The following NXN variants were observed in gnomAD, a reference collection of about 807,000 sequenced individuals.
The protein encoded by NXN is nucleoredoxin.
In NXN, 16 loss-of-function variants were observed where a neutral mutation model predicts 48.6. The ratio of observed to expected loss-of-function variants is 0.33; its 90% CI spans 0.22 to 0.50. NXN has a LOEUF of 0.50. Among genes scored for constraint, NXN ranks in the 20% least tolerant of loss-of-function variants. NXN has a pLI of 0.98. For synonymous variants in NXN, 281 were observed against 269.6 expected, an observed-to-expected ratio of 1.04 and a Z score of -0.41; for missense variants, 492 against 605.5, an observed-to-expected ratio of 0.81 and a Z score of 1.97.
chr17:937,749 C>T (rs118039830), intron 1 of NXN, among the ~76,000 whole-genome samples: 3 of 152,292 alleles, frequency 2.0e-5, no homozygotes, highest in East Asian at 3.9e-4. Flanking sequence ...GTCACGGGGA[C>T]GCCGGGAACC....
At chr17:812,658 C>CTGTAGGTGTGTGTGAG (rs1482882948) in intron 5 of NXN, among the ~76,000 whole-genome samples, 1 of 107,988 alleles carries the variant, frequency 9.3e-6, no homozygotes, top group Admixed American at 1.0e-4. Context: ...ATGTGTGTGA[C>CTGTAGGTGTGTGTGAG]TGTAGGTGTG....
rs2068885957 is a variant in NXN at position 934,424 on chromosome 17, C to A, written c.360+44895G>T. Among the ~76,000 whole-genome samples, 5 of 144,906 alleles carry A rather than the reference C, an allele frequency of 3.5e-5. No individual in the cohort carries two copies. The South Asian group carries it at 1.1e-3, about 32-fold the overall frequency. ...TAGCACCACTGCACTCTAGCCTGGG[C>A]AACACAACGAGACTCTGTCTCAAAG... On this transcript the variant is annotated intron_variant, in intron 1 of 7. Coordinates refer to ENST00000336868, the MANE Select transcript of NXN (RefSeq NM_022463.5).
rs372539041 is a variant in NXN, at chr17:812,658, CTG to C, written c.820+6779_820+6780del. ...TGTGTGTGAGTGTGCATGTGTGTGA[CTG>C]TAGGTGTGTGTGAGTGTAGGTGTGT... On this transcript the variant is annotated intron_variant, in intron 5 of 7. Coordinates refer to ENST00000336868, the MANE Select transcript of NXN (RefSeq NM_022463.5). 5.4e-3 allele frequency among the ~76,000 whole-genome samples: 585 copies of C among 107,986 alleles called. 9 individuals are homozygous for C. Among genetic ancestry groups the C allele is most frequent in the South Asian group, 0.031 (104 of 3,318 alleles). 70.8% of individuals were successfully genotyped at this position (107,986 alleles called of 152,430 possible).
intron 1 of NXN, among the ~76,000 whole-genome samples, chr17:967,849 G>A (rs1421115145): frequency 6.6e-6 from 1 of 152,076 alleles, no homozygotes; most frequent in Non-Finnish European, 1.5e-5. Context: ...GCGGGCACCT[G>A]TAGTCCCAGC....
At chr17:901,187 A>C (rs474176) in intron 1 of NXN, among the ~76,000 whole-genome samples, 122,192 of 151,922 alleles carry the variant, frequency 0.8, 49,383 homozygotes, top group Middle Eastern at 0.9. Flanking sequence ...TCCCAAAGTG[A>C]TGGGATTACA....
rs569206325 is a variant in NXN at position 978,835 on chromosome 17, G to GCCCTCCCCTC, written c.360+474_360+483dup. On this transcript the variant is annotated intron_variant, in intron 1 of 7. Coordinates refer to ENST00000336868, the MANE Select transcript of NXN (RefSeq NM_022463.5). This position sits in a 1 kb window ranked among gnomAD's most constrained non-coding sequence, Gnocchi z 4.1. ...TGGGCGCCACGGGCGGGGGGCGTGCGCCCTCCCCTCCCCTCCCCTCCCCAC... is the reference window on the plus strand; with the variant it reads ...TGGGCGCCACGGGCGGGGGGCGTGCGCCCTCCCCTCCCCTCCCCTCCCCTCCCCTCCCCAC... Among the ~76,000 whole-genome samples, 18 of 151,208 alleles carry GCCCTCCCCTC rather than the reference G, an allele frequency of 1.2e-4. No individual in the cohort carries two copies. The highest frequency in any genetic ancestry group is 9.2e-4 in the Admixed American group (14 of 15,236).
At chr17:955,417 G>A (rs1479571907) in intron 1 of NXN, among the ~76,000 whole-genome samples, 4 of 150,670 alleles carry the variant, frequency 2.7e-5, no homozygotes, top group South Asian at 2.1e-4. Flanking sequence ...TGATCCACCC[G>A]CCTCGGCCTC....
At chr17:955,834 G>A (rs899970895) in intron 1 of NXN, among the ~76,000 whole-genome samples, 4 of 151,856 alleles carry the variant, frequency 2.6e-5, no homozygotes, top group Non-Finnish European at 4.4e-5. Flanking sequence ...CCCGGGAGGC[G>A]GAGCTTGCAG....
Position 843,779 on chromosome 17 carries a change from G to A in NXN, c.361-17701C>T, listed in dbSNP as rs73289779. ...CTCACTCTGAGTAGCACCTTTCGACGTGAACGTTGGGACCCTGACCTGCAG... is the reference window on the plus strand; with the variant it reads ...CTCACTCTGAGTAGCACCTTTCGACATGAACGTTGGGACCCTGACCTGCAG... On this transcript the variant is annotated intron_variant, in intron 1 of 7. Coordinates refer to ENST00000336868, the MANE Select transcript of NXN (RefSeq NM_022463.5). Among the ~76,000 whole-genome samples the A allele has an allele frequency of 9.1e-3, 1,384 of 152,282 alleles. 13 individuals carry two copies. The highest frequency in any genetic ancestry group is 0.032 in the African/African-American group (1,319 of 41,542).
intron 1 of NXN, among the ~76,000 whole-genome samples, chr17:882,492 G>C (rs1432773810): frequency 1.4e-5 from 2 of 141,510 alleles, no homozygotes; most frequent in African/African-American, 5.3e-5. Flanking sequence ...TTGAGATGGA[G>C]TCTCGCTCTG....
chr17:857,705 G>A (rs73291525), intron 1 of NXN, among the ~76,000 whole-genome samples: 1,587 of 152,236 alleles, frequency 0.01, 27 homozygotes, highest in African/African-American at 0.036. Flanking sequence ...CACCATCCCA[G>A]ATATCACCAG....
In NXN at chr17:979,731, G is replaced by A. The variant is rs923802600; in HGVS notation, c.-53C>T. The A allele has an allele frequency of 1.7e-5, 22 of 1,266,658 alleles. No individual in the cohort carries two copies. The highest frequency in any genetic ancestry group is 2.2e-5 in the South Asian group (1 of 45,146). 78.5% of individuals were successfully genotyped at this position (1,266,658 alleles called of 1,614,324 possible). A position where few individuals can be genotyped will look rare whatever the true frequency, so the allele number is the denominator to read the frequency against. Reference sequence around the variant, plus strand: ...GCTGCGACCCCGCTCCACGGTCCGCGCGGCGGGAGGAGGCGGCGGCGTCGG... The same window carrying A: ...GCTGCGACCCCGCTCCACGGTCCGCACGGCGGGAGGAGGCGGCGGCGTCGG... On this transcript the variant is annotated 5_prime_UTR_variant, in exon 1 of 8. Coordinates refer to ENST00000336868, the MANE Select transcript of NXN (RefSeq NM_022463.5).
chr17:885,278 G>A (rs1448974198), intron 1 of NXN, among the ~76,000 whole-genome samples: 1 of 152,072 alleles, frequency 6.6e-6, no homozygotes, highest in African/African-American at 2.4e-5. Flanking sequence ...CTGGCCAAGA[G>A]ACCAGTCTGG....
At chr17:867,366 C>T (rs1176485559) in intron 1 of NXN, among the ~76,000 whole-genome samples, 1 of 148,256 alleles carries the variant, frequency 6.7e-6, no homozygotes, top group Non-Finnish European at 1.5e-5. Context: ...CGGGGTTCTC[C>T]GGGGAATTCT....
At chr17:941,011 A>T (rs1176036935) in intron 1 of NXN, among the ~76,000 whole-genome samples, 1 of 145,198 alleles carries the variant, frequency 6.9e-6, no homozygotes, top group East Asian at 2.0e-4. Context: ...ACCTTCCTGG[A>T]TTTACAGTGA....
chr17:893,222 G>T (rs941482801), intron 1 of NXN, among the ~76,000 whole-genome samples: 1 of 152,194 alleles, frequency 6.6e-6, no homozygotes, highest in African/African-American at 2.4e-5. Flanking sequence ...ATCAGGCCAC[G>T]TTCCTGGACA....
intron 1 of NXN, among the ~76,000 whole-genome samples, chr17:976,768 C>CTT (rs397962595): frequency 0.028 from 3,992 of 142,556 alleles, 167 homozygotes; most frequent in African/African-American, 0.094. Context: ...AAAATAATTC[C>CTT]TTTTTTTTTT....
chr17:905,976 CAA>C (rs71145792), intron 1 of NXN, among the ~76,000 whole-genome samples: 14 of 118,464 alleles, frequency 1.2e-4, no homozygotes, highest in African/African-American at 1.3e-4. Flanking sequence ...GACCTTGTCT[CAA>C]AAAAAAAAAA....
chr17:819,202 C>T (rs1222589573), intron 5 of NXN: 1 of 508,766 alleles, frequency 2.0e-6, no homozygotes, highest in Non-Finnish European at 3.6e-6. Flanking sequence ...CTGCCTCAGC[C>T]TCCCAAAGTG....
Sources: gnomAD v4.1 joint callset for allele counts (sites outside exome capture counted in the v4.1 genomes callset) on GRCh38, gnomAD v4.1.1 for gene constraint, Gnocchi (gnomAD v3.1) non-coding constraint, MANE v1.5 for transcripts, NCBI Gene and HGNC (gene_info 2026-07-23, HGNC 2026-07-21) for gene names.